The following CNTLN variants were observed in gnomAD, a reference collection of about 807,000 sequenced individuals.
CNTLN encodes the protein centlein, also known as centlein, centrosomal protein.
A neutral mutation model predicts 180.0 loss-of-function variants in CNTLN; 212 were observed. That is an observed-to-expected ratio of 1.18 (90% CI 1.05 to 1.32). CNTLN has a LOEUF of 1.32. Ranked by LOEUF, CNTLN falls within the 40% of genes most tolerant of loss-of-function variation. The pLI is 0.00. For synonymous variants in CNTLN, 722 were observed against 563.1 expected (o/e 1.28, Z -3.99); for missense variants, 2,095 against 1,610.9 (o/e 1.30, Z -5.14).
At chr9:17,159,598 T>G (rs192458692) in intron 2 of CNTLN, among the ~76,000 whole-genome samples, 3 of 152,300 alleles carry the variant, frequency 2.0e-5, no homozygotes, top group African/African-American at 7.2e-5. Context: ...GGACTTAGCC[T>G]CAGCAGCAGT....
At chr9:17,155,822 C>T (rs114377308) in intron 2 of CNTLN, among the ~76,000 whole-genome samples, 2,053 of 152,192 alleles carry the variant, frequency 0.013, 46 homozygotes, top group African/African-American at 0.047. Flanking sequence ...CGGTGTCTGC[C>T]CAATTGGCTG....
chr9:17,142,805 G>C (rs1452650087), intron 1 of CNTLN, among the ~76,000 whole-genome samples: 1 of 152,162 alleles, frequency 6.6e-6, no homozygotes, highest in Non-Finnish European at 1.5e-5. Context: ...AACTAACCTA[G>C]GTAATAAGGA....
At chr9:17,376,065 C>G (rs540938334) in intron 13 of CNTLN, among the ~76,000 whole-genome samples, 256 of 152,316 alleles carry the variant, frequency 1.7e-3, no homozygotes, top group Admixed American at 4.1e-3. Flanking sequence ...ATTCAGGTTA[C>G]TGGTGACTTG....
intron 15 of CNTLN, 38 bp downstream of exon 15, chr9:17,395,107 C>G (rs569065967): frequency 6.5e-7 from 1 of 1,547,362 alleles, no homozygotes; most frequent in East Asian, 2.3e-5. Context: ...GGTGGGGACA[C>G]TGCGCATATG....
At chr9:17,278,098 G>A (rs1291650433) in intron 6 of CNTLN, among the ~76,000 whole-genome samples, 1 of 152,104 alleles carries the variant, frequency 6.6e-6, no homozygotes, top group Non-Finnish European at 1.5e-5. Flanking sequence ...AGCAGAGAGT[G>A]AGCTGGGTAA....
At chr9:17,307,128 T>C (rs1377585011) in intron 7 of CNTLN, among the ~76,000 whole-genome samples, 1 of 152,104 alleles carries the variant, frequency 6.6e-6, no homozygotes, top group Non-Finnish European at 1.5e-5. Flanking sequence ...GGTATAAAGG[T>C]AATGAGAAGG....
chr9:17,511,922 G>T, the CNTLN span, among the ~76,000 whole-genome samples: 103 of 152,084 alleles, frequency 6.8e-4, 1 homozygote, highest in Middle Eastern at 0.027. Flanking sequence ...GCAGCTTATG[G>T]GTTGCAAAAT....
In CNTLN at chr9:17,409,482, C is replaced by T; in HGVS notation, c.2796+9C>T. 6.4e-7 allele frequency: 1 copy of T among 1,573,228 alleles called. No homozygotes were observed. Among genetic ancestry groups the T allele is most frequent in the Admixed American group, 2.0e-5 (1 of 49,896 alleles). On this transcript the variant is annotated intron_variant, in intron 16 of 25. Coordinates refer to ENST00000380647, the MANE Select transcript of CNTLN (RefSeq NM_017738.4). ...ATGGCAAGACCCCAAAGGTAAATGA[C>T]ATGATTTTGCTTAATTGTATGCTAT...
chr9:17,275,779 A>G (rs1828271310), intron 6 of CNTLN, among the ~76,000 whole-genome samples: 1 of 152,172 alleles, frequency 6.6e-6, no homozygotes, highest in Non-Finnish European at 1.5e-5. Context: ...ACTTTTTCTT[A>G]TACAATAGTA....
At chr9:17,324,615 G>A (rs774650595) in intron 8 of CNTLN, among the ~76,000 whole-genome samples, 25 of 152,120 alleles carry the variant, frequency 1.6e-4, no homozygotes, top group Non-Finnish European at 3.5e-4. Context: ...TTGTACCAAA[G>A]ATGCTACTGT....
intron 23 of CNTLN, 90 bp from the exon 24 acceptor site, chr9:17,484,204 AT>A (rs1832785571): frequency 9.9e-7 from 1 of 1,005,608 alleles, no homozygotes; most frequent in African/African-American, 1.6e-5. Context: ...TAAAAAAATG[AT>A]TTGTTAGTAT....
At chr9:17,517,401 A>C in the CNTLN span, among the ~76,000 whole-genome samples, 1 of 99,334 alleles carries the variant, frequency 1.0e-5, no homozygotes, top group African/African-American at 5.2e-5. Context: ...CAAACAAAAC[A>C]AAAAAAAAAA....
chr9:17,155,058 G>C (rs370337274), intron 2 of CNTLN, among the ~76,000 whole-genome samples: 42 of 152,236 alleles, frequency 2.8e-4, no homozygotes, highest in African/African-American at 9.6e-4. Context: ...CCACCTTTAA[G>C]AGCTGTAATA....
At chr9:17,170,739 G>A (rs1700536737) in intron 2 of CNTLN, among the ~76,000 whole-genome samples, 1 of 151,332 alleles carries the variant, frequency 6.6e-6, no homozygotes, top group Admixed American at 6.6e-5. Flanking sequence ...GTGTTCTCTT[G>A]TAGCTCGGTG....
intron 2 of CNTLN, among the ~76,000 whole-genome samples, chr9:17,163,822 G>A (rs756887629): frequency 4.3e-4 from 65 of 152,266 alleles, no homozygotes; most frequent in Non-Finnish European, 7.9e-4. Context: ...GAGCTCAGGA[G>A]TTCAAGACCA....
the CNTLN span, among the ~76,000 whole-genome samples, chr9:17,514,225 G>T: frequency 2.6e-5 from 4 of 152,030 alleles, no homozygotes; most frequent in Non-Finnish European, 5.9e-5. Context: ...TGGGAGGATC[G>T]CTTGAGTCTG....
chr9:17,499,782 A>T (rs1047276199), intron 25 of CNTLN, among the ~76,000 whole-genome samples: 82 of 152,252 alleles, frequency 5.4e-4, no homozygotes, highest in African/African-American at 1.9e-3. Flanking sequence ...TACCTTAATT[A>T]TGACTGAGCC....
rs542627618 is a variant in CNTLN, at chr9:17,343,988, C to T, written c.1886+1544C>T. ...CACTTAGCATAACGTTTTCAAGGTT[C>T]ATCCATGTTGTAAATGTATCAATGC... is the stretch of plus-strand genomic sequence containing the variant. On this transcript the variant is annotated intron_variant, in intron 12 of 25. Coordinates refer to ENST00000380647, the MANE Select transcript of CNTLN (RefSeq NM_017738.4). Among the ~76,000 whole-genome samples, 7 of 152,282 alleles carry T rather than the reference C, an allele frequency of 4.6e-5. No homozygotes were observed. The East Asian group carries it at 9.6e-4, about 21-fold the overall frequency.
chr9:17,199,977 C>G (rs1172604672), intron 2 of CNTLN, among the ~76,000 whole-genome samples: 1 of 152,084 alleles, frequency 6.6e-6, no homozygotes. Context: ...TTGGGTTTTA[C>G]ATTTAAGTTC....
Sources: gnomAD v4.1 joint callset for allele counts (sites outside exome capture counted in the v4.1 genomes callset) on GRCh38, gnomAD v4.1.1 for gene constraint, MANE v1.5 for transcripts, NCBI Gene and HGNC (gene_info 2026-07-23, HGNC 2026-07-21) for gene names.